Variants in GRK5 observed in about 807,000 individuals in gnomAD.
The protein encoded by GRK5 is g protein-coupled receptor kinase GRK5.
GRK5 carries 40 observed loss-of-function variants against 78.4 expected under a neutral mutation model. That is an observed-to-expected ratio of 0.51 (90% CI 0.40 to 0.66). The LOEUF (loss-of-function observed/expected upper bound fraction) is 0.66. GRK5 is among the 30% of genes least tolerant of loss of function. The pLI, the probability that GRK5 is intolerant of heterozygous loss-of-function variation, is 0.00. For missense variants in GRK5, 598 were observed against 759.9 expected (o/e 0.79, Z 2.50); for synonymous variants, 289 against 296.8 (o/e 0.97, Z 0.27).
chr10:119,310,806 T>G (rs1027311366), intron 1 of GRK5, among the ~76,000 whole-genome samples: 1 of 152,184 alleles, frequency 6.6e-6, no homozygotes, highest in African/African-American at 2.4e-5. Context: ...GAATCGACCC[T>G]TATAAAGGGC....
intron 3 of GRK5, among the ~76,000 whole-genome samples, chr10:119,386,895 C>T (rs569489057): frequency 1.3e-5 from 2 of 152,334 alleles, no homozygotes; most frequent in African/African-American, 4.8e-5. Flanking sequence ...GCGCCATCCA[C>T]GCCATTCCCA....
At chr10:119,265,296 C>T (rs937373404) in intron 1 of GRK5, among the ~76,000 whole-genome samples, 2 of 151,972 alleles carry the variant, frequency 1.3e-5, no homozygotes, top group African/African-American at 4.8e-5. Flanking sequence ...TTTGCTGAGG[C>T]CCCCCCGCAG....
chr10:119,344,721 T>G (rs562304410), intron 2 of GRK5, among the ~76,000 whole-genome samples: 248 of 152,276 alleles, frequency 1.6e-3, no homozygotes, highest in Non-Finnish European at 2.7e-3. Context: ...AGAGATCAGC[T>G]CAGGCATATT....
chr10:119,218,559 G>A (rs1201840260), intron 1 of GRK5, among the ~76,000 whole-genome samples: 6 of 152,268 alleles, frequency 3.9e-5, no homozygotes, highest in Non-Finnish European at 7.4e-5. Context: ...TGGTCTTAAT[G>A]TTTTCTGTTA....
rs1245762711 is a variant in GRK5, at chr10:119,452,243, G to A, written c.1405-428G>A. Among the ~76,000 whole-genome samples, 1 of 152,194 alleles carries A rather than the reference G, an allele frequency of 6.6e-6. No homozygotes were observed. ...AGGACATAGGCCTCAGGGGATATGAGACTTCCCCAAAGTTCCTAAGCCCCA... is the reference window on the plus strand; with the variant it reads ...AGGACATAGGCCTCAGGGGATATGAAACTTCCCCAAAGTTCCTAAGCCCCA... On this transcript the variant is annotated intron_variant, in intron 13 of 15. Transcript: ENST00000392870. This position sits in a 1 kb window ranked among gnomAD's most constrained non-coding sequence, Gnocchi z 4.4.
intron 1 of GRK5, among the ~76,000 whole-genome samples, chr10:119,218,964 C>T (rs189567834): frequency 2.7e-5 from 4 of 147,526 alleles, no homozygotes; most frequent in African/African-American, 7.9e-5. Flanking sequence ...GTGGCACGAT[C>T]TCAGCTCACC....
At position 119,336,747 on chromosome 10, in the gene GRK5, G is replaced by A. The variant is rs1400376420; in HGVS notation, c.148+10136G>A. On this transcript the variant is annotated intron_variant, in intron 2 of 15. Transcript: ENST00000392870. This position sits in a 1 kb window ranked among gnomAD's most constrained non-coding sequence, Gnocchi z 4.5. ...TCATTGCTGTCCTTGGGGTGATAAG[G>A]GCGCGTCATGTCTGTCGTTCTGCCA... 9.2e-5 allele frequency among the ~76,000 whole-genome samples: 14 copies of A among 152,214 alleles called. No homozygotes were observed. Among genetic ancestry groups the A allele is most frequent in the African/African-American group, 3.4e-4 (14 of 41,468 alleles).
intron 2 of GRK5, among the ~76,000 whole-genome samples, chr10:119,370,750 C>T (rs1053152923): frequency 3.9e-5 from 6 of 152,272 alleles, no homozygotes; most frequent in Non-Finnish European, 8.8e-5. Context: ...TTGTTTCAAA[C>T]CTGAAATACG....
intron 1 of GRK5, among the ~76,000 whole-genome samples, chr10:119,274,182 C>T (rs1013410349): frequency 2.0e-5 from 3 of 152,116 alleles, no homozygotes; most frequent in South Asian, 4.1e-4. Flanking sequence ...CCACCCATGC[C>T]GCTGAGGAGG....
chr10:119,223,434 G>A lies in GRK5; in HGVS notation c.52+15465G>A, dbSNP rs374292267. Among the ~76,000 whole-genome samples the A allele has an allele frequency of 6.4e-4, 97 of 152,292 alleles. 1 individual carries two copies. The South Asian group carries it at 0.02, about 31-fold the overall frequency. On this transcript the variant is annotated intron_variant, in intron 1 of 15. Transcript: ENST00000392870. ...ACTGAAGCAGCAGCTTTTGGGGATA[G>A]CCTGTATTTTTAAAACAGGAGGTTC...
At chr10:119,234,659 C>T (rs975137954) in intron 1 of GRK5, among the ~76,000 whole-genome samples, 1 of 151,060 alleles carries the variant, frequency 6.6e-6, no homozygotes, top group African/African-American at 2.4e-5. Context: ...TCTTTTCTCC[C>T]TCCCCTTTTT....
chr10:119,274,425 C>T (rs1849634739), intron 1 of GRK5, among the ~76,000 whole-genome samples: 1 of 152,232 alleles, frequency 6.6e-6, no homozygotes. Flanking sequence ...CAGGCGTTAG[C>T]TTCCATTCCC....
chr10:119,360,716 A>G (rs1474365097), intron 2 of GRK5, among the ~76,000 whole-genome samples: 1 of 152,178 alleles, frequency 6.6e-6, no homozygotes, highest in Non-Finnish European at 1.5e-5. Flanking sequence ...AGGCTAAGTT[A>G]GGAGAAGATG....
chr10:119,408,729 TAC>T (rs1461315261), intron 4 of GRK5, among the ~76,000 whole-genome samples: 1 of 152,158 alleles, frequency 6.6e-6, no homozygotes, highest in Non-Finnish European at 1.5e-5. Context: ...GCTTAACAGG[TAC>T]AGAGTGTCTG....
chr10:119,269,743 G>A (rs1002148667), intron 1 of GRK5, among the ~76,000 whole-genome samples: 2 of 149,412 alleles, frequency 1.3e-5, no homozygotes, highest in Non-Finnish European at 3.0e-5. Flanking sequence ...TGAGGCAGGA[G>A]AATTGCTTGA....
intron 1 of GRK5, among the ~76,000 whole-genome samples, chr10:119,246,957 A>C (rs1477046992): frequency 6.6e-6 from 1 of 151,992 alleles, no homozygotes. Flanking sequence ...CCTCGCTGAG[A>C]GCCTCTTGGG....
intron 3 of GRK5, among the ~76,000 whole-genome samples, chr10:119,392,512 C>T (rs1462779225): frequency 7.9e-5 from 12 of 152,224 alleles, no homozygotes; most frequent in Non-Finnish European, 1.3e-4. Context: ...AATCGATTCT[C>T]CTGCCTCAGC....
intron 2 of GRK5, among the ~76,000 whole-genome samples, chr10:119,377,610 C>G (rs960104865): frequency 6.6e-6 from 1 of 152,088 alleles, no homozygotes; most frequent in Non-Finnish European, 1.5e-5. Flanking sequence ...AGGCTCGGAA[C>G]TGAGGTGCTG....
chr10:119,255,988 T>C (rs1849277121), intron 1 of GRK5, among the ~76,000 whole-genome samples: 3 of 152,150 alleles, frequency 2.0e-5, no homozygotes, highest in African/African-American at 7.2e-5. Context: ...GAACTTCCAT[T>C]TCCTAGTAAG....
Sources: gnomAD v4.1 joint callset for allele counts (sites outside exome capture counted in the v4.1 genomes callset) on GRCh38, gnomAD v4.1.1 for gene constraint, Gnocchi (gnomAD v3.1) non-coding constraint, MANE v1.5 for transcripts, NCBI Gene and HGNC (gene_info 2026-07-23, HGNC 2026-07-21) for gene names.